The following OSBPL1A variants were observed in gnomAD, a reference collection of about 807,000 sequenced individuals.
OSBPL1A encodes the protein oxysterol binding protein like 1A, also known as oxysterol-binding protein-related protein 1.
In OSBPL1A, 80 loss-of-function variants were observed where a neutral mutation model predicts 137.1. The observed-to-expected ratio is 0.58, with a 90% CI of 0.49 to 0.70. OSBPL1A has a LOEUF of 0.70. Ranked by LOEUF, OSBPL1A falls within the 30% of genes least tolerant of loss-of-function variation. The pLI is 0.00. For synonymous variants in OSBPL1A, 365 were observed against 389.7 expected (o/e 0.94, Z 0.75); for missense variants, 970 against 1,129.4 (o/e 0.86, Z 2.02).
chr18:24,207,142 G>T (rs186321358), intron 17 of OSBPL1A, among the ~76,000 whole-genome samples: 2 of 152,194 alleles, frequency 1.3e-5, no homozygotes, highest in African/African-American at 4.8e-5. Context: ...GGAGTGCAGC[G>T]GTGCGATCTT....
At chr18:24,262,011 G>A (rs781646797) in intron 15 of OSBPL1A, among the ~76,000 whole-genome samples, 18 of 152,150 alleles carry the variant, frequency 1.2e-4, no homozygotes, top group Non-Finnish European at 1.3e-4. Flanking sequence ...TCCTGCTGGT[G>A]GTTGCTGGGA....
chr18:24,195,808 T>G (rs2087013627), intron 18 of OSBPL1A, among the ~76,000 whole-genome samples: 1 of 152,202 alleles, frequency 6.6e-6, no homozygotes, highest in African/African-American at 2.4e-5. Flanking sequence ...TGTTCTCCAC[T>G]GTGGGGTTGT....
At chr18:24,319,887 AT>A (rs1203323059) in intron 7 of OSBPL1A, among the ~76,000 whole-genome samples, 2 of 151,880 alleles carry the variant, frequency 1.3e-5, no homozygotes, top group African/African-American at 4.8e-5. Flanking sequence ...GCTCACAACT[AT>A]AATCCCAGTA....
chr18:24,232,829 T>C (rs1044321040), intron 16 of OSBPL1A, among the ~76,000 whole-genome samples: 3 of 152,348 alleles, frequency 2.0e-5, no homozygotes, highest in Non-Finnish European at 4.4e-5. Flanking sequence ...ATGAATGATA[T>C]GGCTGGTGCC....
chr18:24,385,056 G>A (rs912543915), intron 1 of OSBPL1A, among the ~76,000 whole-genome samples: 10 of 150,714 alleles, frequency 6.6e-5, no homozygotes, highest in African/African-American at 2.4e-4. Context: ...CCGGGTTCAC[G>A]CCATTCTCCT....
At chr18:24,336,375 A>G (rs1352862337) in intron 5 of OSBPL1A, among the ~76,000 whole-genome samples, 6 of 152,284 alleles carry the variant, frequency 3.9e-5, no homozygotes, top group African/African-American at 1.4e-4. Flanking sequence ...ATGTTCTTAG[A>G]TTATGTTCCT....
At chr18:24,385,175 C>T (rs773708684) in intron 1 of OSBPL1A, among the ~76,000 whole-genome samples, 5 of 151,972 alleles carry the variant, frequency 3.3e-5, no homozygotes, top group Non-Finnish European at 7.4e-5. Context: ...AGGATGGTCT[C>T]TATCTCCTGA....
chr18:24,256,727 C>T (rs1599572809), intron 15 of OSBPL1A, among the ~76,000 whole-genome samples: 1 of 151,800 alleles, frequency 6.6e-6, no homozygotes, highest in Non-Finnish European at 1.5e-5. Flanking sequence ...AGAGACTACA[C>T]CAAAAAACTA....
intron 1 of OSBPL1A, among the ~76,000 whole-genome samples, chr18:24,387,294 A>G (rs998477974): frequency 1.2e-4 from 18 of 152,030 alleles, no homozygotes; most frequent in African/African-American, 4.3e-4. Context: ...GGCTCAAGCG[A>G]TCCACCTGCC....
intron 14 of OSBPL1A, among the ~76,000 whole-genome samples, chr18:24,301,730 A>T (rs2090404239): frequency 6.6e-6 from 1 of 152,192 alleles, no homozygotes; most frequent in Non-Finnish European, 1.5e-5. Context: ...AATCAAAATA[A>T]CCTAACCACT....
rs1599723699 is a variant in OSBPL1A, at chr18:24,368,932, G to A, written c.122-560C>T. On this transcript the variant is annotated intron_variant, in intron 2 of 27. Coordinates refer to ENST00000319481, the MANE Select transcript of OSBPL1A (RefSeq NM_080597.4). ...CTGGTGGGAGGTGATTGGATCATAG[G>A]GGCGGATTTCCCTCTTGCTATTCTC... Among the ~76,000 whole-genome samples the A allele has an allele frequency of 2.6e-5, 4 of 152,248 alleles. No individual in the cohort carries two copies. In the South Asian group the frequency reaches 8.3e-4, roughly 32 times the overall value.
chr18:24,363,282 G>A (rs1423471789), intron 4 of OSBPL1A, among the ~76,000 whole-genome samples: 1 of 152,054 alleles, frequency 6.6e-6, no homozygotes, highest in Non-Finnish European at 1.5e-5. Flanking sequence ...AGGGCTCTAG[G>A]GGAGAATTCA....
At chr18:24,239,436 G>A (rs1261290313) in intron 15 of OSBPL1A, 54 bp from the exon 16 acceptor site, 9 of 1,470,144 alleles carry the variant, frequency 6.1e-6, no homozygotes, top group South Asian at 3.6e-5. Flanking sequence ...AGACACAGAC[G>A]TACTCAGAGG....
chr18:24,384,371 G>T (rs987703961), intron 1 of OSBPL1A, among the ~76,000 whole-genome samples: 1 of 151,950 alleles, frequency 6.6e-6, no homozygotes, highest in African/African-American at 2.4e-5. Context: ...GTCAGGAGTT[G>T]GAGGCCAGCC....
In OSBPL1A at chr18:24,175,139, C is replaced by CGTATATAT. The variant is rs1567920404; in HGVS notation, c.2094-2657_2094-2656insATATATAC. On this transcript the variant is annotated intron_variant, in intron 21 of 27. Transcript: ENST00000319481. ...ATATATATATATATATATATATACACATATATATATATATATGAAGTATCT... is the reference window on the plus strand; with the variant it reads ...ATATATATATATATATATATATACACGTATATATATATATATATATATATGAAGTATCT... Among the ~76,000 whole-genome samples the CGTATATAT allele has an allele frequency of 8.1e-4, 97 of 119,764 alleles. 1 individual carries two copies. The highest frequency in any genetic ancestry group is 2.7e-3 in the African/African-American group (63 of 22,958). 78.6% of individuals were successfully genotyped at this position (119,764 alleles called of 152,430 possible).
In OSBPL1A at chr18:24,312,307, C is replaced by T. The variant is rs567774643; in HGVS notation, c.970-201G>A. Among the ~76,000 whole-genome samples the T allele has an allele frequency of 5.3e-5, 8 of 152,248 alleles. No homozygotes were observed. The East Asian group carries it at 1.5e-3, about 29-fold the overall frequency. ...GTCTGGATAAAAGCTTTTCCTAGTA[C>T]TTTAAAAAATATCATCTATAAGTTT... On this transcript the variant is annotated intron_variant, in intron 12 of 27. Transcript: ENST00000319481.
At chr18:24,313,839 T>C (rs2009464) in intron 12 of OSBPL1A, among the ~76,000 whole-genome samples, 84,052 of 152,102 alleles carry the variant, frequency 0.55, 24,169 homozygotes, top group African/African-American at 0.63. Flanking sequence ...CAGTGGCTCA[T>C]GCCTGTAATC....
At chr18:24,304,322 C>T (rs912739918) in intron 13 of OSBPL1A, among the ~76,000 whole-genome samples, 5 of 151,824 alleles carry the variant, frequency 3.3e-5, no homozygotes, top group African/African-American at 9.7e-5. Context: ...TTTTTAGATC[C>T]CTAAAGGCAA....
chr18:24,202,986 CT>C (rs538160169), intron 17 of OSBPL1A, among the ~76,000 whole-genome samples: 36 of 152,216 alleles, frequency 2.4e-4, no homozygotes, highest in Admixed American at 3.9e-4. Flanking sequence ...AAAATAATTA[CT>C]TTTTTTGGAG....
Sources: gnomAD v4.1 joint callset for allele counts (sites outside exome capture counted in the v4.1 genomes callset) on GRCh38, gnomAD v4.1.1 for gene constraint, MANE v1.5 for transcripts, NCBI Gene and HGNC (gene_info 2026-07-23, HGNC 2026-07-21) for gene names.